Variants in ERC2 observed in about 807,000 individuals in gnomAD.
ERC2 encodes ELKS/RAB6-interacting/CAST family member 2.
In ERC2, 42 loss-of-function variants were observed where a neutral mutation model predicts 114.8. The observed-to-expected ratio is 0.37, with a 90% CI of 0.29 to 0.47. ERC2 has a LOEUF of 0.47. Among genes scored for constraint, ERC2 ranks in the 20% least tolerant of loss-of-function variants. ERC2 has a pLI of 0.99. For synonymous variants in ERC2, 454 were observed against 425.5 expected (o/e 1.07, Z -0.82); for missense variants, 939 against 1,150.7 (o/e 0.82, Z 2.66).
intron 14 of ERC2, among the ~76,000 whole-genome samples, chr3:55,776,523 C>T (rs551695350): frequency 1.3e-5 from 2 of 152,152 alleles, no homozygotes; most frequent in African/African-American, 2.4e-5. Context: ...CTTGGGAACT[C>T]GAGACCAGAG....
intron 15 of ERC2, among the ~76,000 whole-genome samples, chr3:55,731,106 G>A (rs969768718): frequency 8.5e-5 from 13 of 152,302 alleles, no homozygotes; most frequent in East Asian, 5.8e-4. Context: ...AAGTACAGGC[G>A]CTATGGGCCT....
At chr3:55,861,201 T>C (rs2062013056) in intron 14 of ERC2, among the ~76,000 whole-genome samples, 1 of 152,252 alleles carries the variant, frequency 6.6e-6, no homozygotes, top group Non-Finnish European at 1.5e-5. Flanking sequence ...ATTTCTGTGC[T>C]ATTTGGAAAC....
At chr3:55,675,899 C>A (rs796902924) in intron 17 of ERC2, among the ~76,000 whole-genome samples, 2 of 58,152 alleles carry the variant, frequency 3.4e-5, no homozygotes, top group Admixed American at 4.2e-4. Flanking sequence ...TTTCTCTTTT[C>A]TTTCTTTTTT....
intron 17 of ERC2, among the ~76,000 whole-genome samples, chr3:55,576,109 G>A (rs1161646446): frequency 6.6e-6 from 1 of 152,066 alleles, no homozygotes; most frequent in Non-Finnish European, 1.5e-5. Flanking sequence ...TCAAGAGTTT[G>A]AGACCAGCCT....
intron 3 of ERC2, among the ~76,000 whole-genome samples, chr3:56,178,878 C>T (rs1326457995): frequency 6.6e-6 from 1 of 151,880 alleles, no homozygotes; most frequent in Admixed American, 6.6e-5. Context: ...ACTAGGGAGG[C>T]ATGGATCAAT....
At chr3:55,554,420 A>AT (rs2055450246) in intron 17 of ERC2, among the ~76,000 whole-genome samples, 1 of 152,128 alleles carries the variant, frequency 6.6e-6, no homozygotes, top group Non-Finnish European at 1.5e-5. Flanking sequence ...CCGTCCTTCC[A>AT]TTTTGTCTGT....
At chr3:56,257,618 A>G (rs1560472567) in intron 3 of ERC2, among the ~76,000 whole-genome samples, 1 of 152,250 alleles carries the variant, frequency 6.6e-6, no homozygotes, top group Non-Finnish European at 1.5e-5. Flanking sequence ...TGCTTTCACA[A>G]TTAGGACAAA....
intron 13 of ERC2, among the ~76,000 whole-genome samples, chr3:55,889,171 G>A (rs796076434): frequency 1.2e-4 from 18 of 152,256 alleles, no homozygotes; most frequent in African/African-American, 4.1e-4. Flanking sequence ...ACTTTTGTGT[G>A]TAGGCCCCAG....
rs2067798296 is a variant in ERC2 at position 55,954,350 on chromosome 3, AG to A, written c.2268-3791del. ...TTGAATTAAATTAAAAATTTCCAAC[AG>A]GTTCAAGGTCAACAATGACTACCAT... On this transcript the variant is annotated intron_variant, in intron 12 of 17. Transcript: ENST00000288221. Among the ~76,000 whole-genome samples, 3 of 152,326 alleles carry A rather than the reference AG, an allele frequency of 2.0e-5. No individual in the cohort carries two copies. In the East Asian group the frequency reaches 5.8e-4, roughly 29 times the overall value.
intron 14 of ERC2, among the ~76,000 whole-genome samples, chr3:55,804,746 CA>C (rs1253569305): frequency 6.6e-6 from 1 of 152,036 alleles, no homozygotes; most frequent in African/African-American, 2.4e-5. Context: ...TCTTAAAAAC[CA>C]ACAGCCATAC....
intron 17 of ERC2, chr3:55,657,112 A>G (rs376589881): frequency 1.3e-5 from 2 of 152,082 alleles, no homozygotes; most frequent in Non-Finnish European, 2.9e-5. Flanking sequence ...GGATAGTGGT[A>G]TGAAGGGCAT....
intron 2 of ERC2, among the ~76,000 whole-genome samples, chr3:56,348,862 T>C (rs961482320): frequency 8.0e-5 from 8 of 99,876 alleles, no homozygotes; most frequent in African/African-American, 3.3e-4. Context: ...ACCACCAAAA[T>C]GAAAGAAAGG....
At position 55,937,875 on chromosome 3, in the gene ERC2, G is replaced by A. The variant is rs1048785289; in HGVS notation, c.2403+12550C>T. On this transcript the variant is annotated intron_variant, in intron 13 of 17. Transcript: ENST00000288221. ...TATATTTACTGACTCATAAATGACGGGAAGAAGTGGTCATCAGAGCCAGGG... is the reference window on the plus strand; with the variant it reads ...TATATTTACTGACTCATAAATGACGAGAAGAAGTGGTCATCAGAGCCAGGG... Among the ~76,000 whole-genome samples the A allele has an allele frequency of 4.6e-5, 7 of 152,132 alleles. No homozygotes were observed. The East Asian group carries it at 1.3e-3, about 29-fold the overall frequency.
intron 14 of ERC2, among the ~76,000 whole-genome samples, chr3:55,774,564 C>T (rs2068459065): frequency 6.6e-6 from 1 of 152,240 alleles, no homozygotes; most frequent in African/African-American, 2.4e-5. Flanking sequence ...CAAAAGGAGG[C>T]ATTTGTATTC....
At chr3:56,337,209 C>T (rs1438960055) in intron 2 of ERC2, among the ~76,000 whole-genome samples, 4 of 152,166 alleles carry the variant, frequency 2.6e-5, no homozygotes, top group Non-Finnish European at 4.4e-5. Flanking sequence ...TCTGGAAAAC[C>T]GGATCTTCTT....
At chr3:55,952,183 T>A (rs1338920740) in intron 12 of ERC2, among the ~76,000 whole-genome samples, 61 of 79,918 alleles carry the variant, frequency 7.6e-4, no homozygotes, top group African/African-American at 2.3e-3. Context: ...ACACACACTC[T>A]CTCTCTCTCT....
At chr3:55,625,522 C>T (rs919729233) in intron 17 of ERC2, among the ~76,000 whole-genome samples, 6 of 151,744 alleles carry the variant, frequency 4.0e-5, no homozygotes, top group Non-Finnish European at 5.9e-5. Context: ...GAGGCCGAGG[C>T]TGATGGATCA....
intron 3 of ERC2, among the ~76,000 whole-genome samples, chr3:56,286,498 A>G (rs1392941930): frequency 6.6e-6 from 1 of 151,924 alleles, no homozygotes; most frequent in Non-Finnish European, 1.5e-5. Flanking sequence ...ATATGTGAAA[A>G]CAGTAAGATT....
At chr3:55,890,922 A>G (rs574082971) in intron 13 of ERC2, among the ~76,000 whole-genome samples, 1 of 152,280 alleles carries the variant, frequency 6.6e-6, no homozygotes, top group South Asian at 2.1e-4. Flanking sequence ...ACTTTTTGCA[A>G]ACAATCACTA....
Sources: allele counts gnomAD v4.1 joint callset (sites outside exome capture counted in the v4.1 genomes callset), GRCh38; gene constraint gnomAD v4.1.1; transcripts MANE v1.5; gene names NCBI Gene and HGNC (gene_info 2026-07-23, HGNC 2026-07-21).